The following DNER variants were observed in gnomAD, a reference collection of about 807,000 sequenced individuals.
DNER encodes the protein delta and Notch-like epidermal growth factor-related receptor.
Under a neutral mutation model 78.2 loss-of-function variants are expected in DNER, and 33 were observed. That is an observed-to-expected ratio of 0.42 (90% CI 0.32 to 0.56). The LOEUF (loss-of-function observed/expected upper bound fraction) is 0.56, where lower values mean the gene tolerates loss of function less well. DNER is among the 20% of genes least tolerant of loss of function. DNER has a pLI of 0.11. For missense variants in DNER, 918 were observed against 975.3 expected (o/e 0.94, Z 0.78); for synonymous variants, 417 against 384.8 (o/e 1.08, Z -0.98).
At chr2:229,630,787 C>T (rs1373894124) in intron 1 of DNER, among the ~76,000 whole-genome samples, 1 of 152,112 alleles carries the variant, frequency 6.6e-6, no homozygotes, top group Non-Finnish European at 1.5e-5. Context: ...CCTTGCCCCC[C>T]TTCCTGCCTC....
chr2:229,452,654 A>G (rs978385254), intron 7 of DNER, among the ~76,000 whole-genome samples: 3 of 152,072 alleles, frequency 2.0e-5, no homozygotes, highest in African/African-American at 7.2e-5. Context: ...TTTGAGATGG[A>G]GTCTTGCTCC....
intron 11 of DNER, among the ~76,000 whole-genome samples, chr2:229,372,841 A>G (rs1692517220): frequency 1.3e-5 from 2 of 152,068 alleles, no homozygotes; most frequent in African/African-American, 2.4e-5. Flanking sequence ...TTAGGGGGGA[A>G]TCAACCAGAC....
At chr2:229,696,616 C>T (rs1316375537) in intron 1 of DNER, among the ~76,000 whole-genome samples, 1 of 152,170 alleles carries the variant, frequency 6.6e-6, no homozygotes, top group Non-Finnish European at 1.5e-5. Flanking sequence ...TAAGGCATAA[C>T]TTACTGGAGT....
intron 10 of DNER, among the ~76,000 whole-genome samples, chr2:229,398,791 A>G (rs991822230): frequency 2.6e-5 from 4 of 152,114 alleles, no homozygotes; most frequent in African/African-American, 9.6e-5. Flanking sequence ...GACTAATTCA[A>G]TATTTGAAAA....
intron 1 of DNER, among the ~76,000 whole-genome samples, chr2:229,611,146 T>C (rs116156039): frequency 0.022 from 3,342 of 152,354 alleles, 76 homozygotes; most frequent in Non-Finnish European, 0.03. Flanking sequence ...CACAGGCACA[T>C]AGTCCCAGCA....
chr2:229,504,499 C>A (rs564794349), intron 6 of DNER, among the ~76,000 whole-genome samples: 1 of 152,190 alleles, frequency 6.6e-6, no homozygotes, highest in Non-Finnish European at 1.5e-5. Flanking sequence ...GGATTACAGG[C>A]ATGAGCCACC....
intron 1 of DNER, among the ~76,000 whole-genome samples, chr2:229,684,888 T>A (rs1699458383): frequency 6.6e-6 from 1 of 152,204 alleles, no homozygotes; most frequent in Non-Finnish European, 1.5e-5. Flanking sequence ...ATAATTTACT[T>A]TTTTGAAGAA....
At chr2:229,599,738 A>C (rs1697792321) in intron 1 of DNER, among the ~76,000 whole-genome samples, 1 of 152,260 alleles carries the variant, frequency 6.6e-6, no homozygotes, top group Non-Finnish European at 1.5e-5. Flanking sequence ...TTATTATAGA[A>C]AGAATTTTTA....
At position 229,703,226 on chromosome 2, in the gene DNER, C is replaced by T. The variant is rs139120439; in HGVS notation, c.276+10922G>A. Among the ~76,000 whole-genome samples, 300 of 152,066 alleles carry T rather than the reference C, an allele frequency of 2.0e-3. 2 individuals are homozygous for T. Among genetic ancestry groups the T allele is most frequent in the African/African-American group, 6.9e-3 (285 of 41,468 alleles). Reference sequence around the variant, plus strand: ...CATAAATGTAATAAAATAAAGAGTCCAGAAATAGACCCACACATGCTTGGT... The same window carrying T: ...CATAAATGTAATAAAATAAAGAGTCTAGAAATAGACCCACACATGCTTGGT... On this transcript the variant is annotated intron_variant, in intron 1 of 12. Coordinates refer to ENST00000341772, the MANE Select transcript of DNER (RefSeq NM_139072.4).
chr2:229,690,943 C>T (rs766914513), intron 1 of DNER, among the ~76,000 whole-genome samples: 1 of 152,146 alleles, frequency 6.6e-6, no homozygotes, highest in Non-Finnish European at 1.5e-5. Flanking sequence ...TATCACTGCC[C>T]ACTTATTAAG....
In DNER at chr2:229,489,347, C is replaced by T. The variant is rs780567426; in HGVS notation, c.1148-12094G>A. 6.6e-5 allele frequency among the ~76,000 whole-genome samples: 10 copies of T among 152,112 alleles called. 1 individual carries two copies. Among genetic ancestry groups the T allele is most frequent in the Admixed American group, 2.6e-4 (4 of 15,278 alleles). ...CCAAAGATAACTGAGATGAGGGCGG[C>T]GAGCATAATGGCCGAGCTTCCAGCC... On this transcript the variant is annotated intron_variant, in intron 6 of 12. Coordinates refer to ENST00000341772, the MANE Select transcript of DNER (RefSeq NM_139072.4).
intron 12 of DNER, among the ~76,000 whole-genome samples, chr2:229,364,844 C>CT (rs34346714): frequency 0.14 from 10,380 of 75,488 alleles, 1,757 homozygotes; most frequent in African/African-American, 0.29. Context: ...CTCTCTCTCT[C>CT]TTTTTTTTTT....
At chr2:229,424,747 G>A (rs1693838217) in intron 8 of DNER, among the ~76,000 whole-genome samples, 1 of 152,058 alleles carries the variant, frequency 6.6e-6, no homozygotes. Flanking sequence ...GGGGTGGAGG[G>A]CCTAATTTAG....
At chr2:229,389,211 T>C (rs1234110990) in intron 10 of DNER, among the ~76,000 whole-genome samples, 1 of 152,046 alleles carries the variant, frequency 6.6e-6, no homozygotes, top group Non-Finnish European at 1.5e-5. Context: ...ACCCAACTTT[T>C]CAGGACACCT....
intron 1 of DNER, among the ~76,000 whole-genome samples, chr2:229,676,301 C>T (rs1699299703): frequency 6.6e-6 from 1 of 152,172 alleles, no homozygotes; most frequent in Non-Finnish European, 1.5e-5. Context: ...GGCCAGGCTT[C>T]GACCTTGTCA....
chr2:229,578,698 C>T (rs1210449164), intron 4 of DNER, among the ~76,000 whole-genome samples: 1 of 152,166 alleles, frequency 6.6e-6, no homozygotes, highest in Non-Finnish European at 1.5e-5. Flanking sequence ...CAAAATCACT[C>T]TCTCTGTCAA....
chr2:229,364,529 G>A (rs781353633), intron 12 of DNER, among the ~76,000 whole-genome samples: 4 of 152,110 alleles, frequency 2.6e-5, no homozygotes, highest in African/African-American at 4.8e-5. Flanking sequence ...GCGCTAAGAT[G>A]AGCAGCCATG....
chr2:229,453,945 A>G (rs1259675100), intron 7 of DNER, among the ~76,000 whole-genome samples: 3 of 151,244 alleles, frequency 2.0e-5, no homozygotes, highest in African/African-American at 7.3e-5. Context: ...AAAAAAAAGA[A>G]AGAAGAGAAA....
intron 5 of DNER, among the ~76,000 whole-genome samples, chr2:229,525,352 G>A (rs1328816976): frequency 5.3e-5 from 8 of 152,114 alleles, no homozygotes; most frequent in Admixed American, 4.6e-4. Flanking sequence ...TTTAAAAGTA[G>A]AACACTGCAT....
Sources: gnomAD v4.1 joint callset for allele counts (sites outside exome capture counted in the v4.1 genomes callset) on GRCh38, gnomAD v4.1.1 for gene constraint, MANE v1.5 for transcripts, NCBI Gene and HGNC (gene_info 2026-07-23, HGNC 2026-07-21) for gene names.